The following C4orf50 variants were observed in gnomAD, a reference collection of about 807,000 sequenced individuals.
The protein encoded by C4orf50 is chromosome 4 open reading frame 50.
Under a neutral mutation model 77.2 loss-of-function variants are expected in C4orf50, and 80 were observed. That is an observed-to-expected ratio of 1.04 (90% CI 0.87 to 1.25). The LOEUF is 1.25. C4orf50 is among the 50% of genes most tolerant of loss of function. The probability of loss-of-function intolerance (pLI) is 0.00; values close to 1 mark genes in which losing one functional copy is unlikely to be tolerated. For missense variants in C4orf50, 1,257 were observed against 1,152.9 expected (o/e 1.09, Z -1.31); for synonymous variants, 532 against 465.3 (o/e 1.14, Z -1.84).
intron 31 of C4orf50, among the ~76,000 whole-genome samples, chr4:5,968,274 C>G (rs1409129235): frequency 6.6e-6 from 1 of 152,220 alleles, no homozygotes; most frequent in Non-Finnish European, 1.5e-5. Context: ...CCTGACTCCA[C>G]CTGGCAGAGT....
rs527939516 is a variant in C4orf50 at position 5,920,475 on chromosome 4, CTTTTTTT to C, written c.*2475-22294_*2475-22288del. On this transcript the variant is annotated intron_variant, in intron 7 of 7. Transcript: ENST00000324058. ...GGATGAAGGGAGAGAATAAACATTG[CTTTTTTT>C]TTTTTTTTTTTTGAGATGGAGTCTC... Among the ~76,000 whole-genome samples, 8 of 128,970 alleles carry C rather than the reference CTTTTTTT, an allele frequency of 6.2e-5. No individual in the cohort carries two copies. In the East Asian group the frequency reaches 1.5e-3, roughly 24 times the overall value. The allele number at this position is 128,970 out of a possible 152,430, so 84.6% of individuals were successfully genotyped here.
chr4:5,988,591 A>G (rs1203132364), exon 28 of C4orf50: 1 of 1,536,324 alleles, frequency 6.5e-7, no homozygotes, highest in South Asian at 1.2e-5. Flanking sequence ...TTCCTCCTCC[A>G]AGGGTGGCCC....
chr4:5,998,364 G>A (rs1002391444), intron 25 of C4orf50, among the ~76,000 whole-genome samples: 1 of 151,974 alleles, frequency 6.6e-6, no homozygotes, highest in African/African-American at 2.4e-5. Context: ...CGACATTATT[G>A]ACACTGCTTT....
chr4:5,985,758 A>G lies in C4orf50; in HGVS notation c.3699+2589T>C, dbSNP rs149341932. 9.5e-3 allele frequency among the ~76,000 whole-genome samples: 1,447 copies of G among 152,288 alleles called. 21 individuals carry two copies. The highest frequency in any genetic ancestry group is 0.033 in the African/African-American group (1,380 of 41,562). On this transcript the variant is annotated intron_variant, in intron 28 of 33. Transcript: ENST00000531445. The stretch of plus-strand genomic sequence containing the variant: ...TGAGGCCAGTGGATCACCTGAGGTC[A>G]GGAGTTTGAGACCAGCCTGGCCAAC...
intron 29 of C4orf50, among the ~76,000 whole-genome samples, chr4:5,977,925 T>G (rs1454948851): frequency 6.6e-6 from 1 of 152,292 alleles, no homozygotes. Flanking sequence ...ATATATCTAA[T>G]AAAGGACTTC....
chr4:6,006,676 A>G (rs755376110), intron 25 of C4orf50, among the ~76,000 whole-genome samples: 12 of 152,220 alleles, frequency 7.9e-5, no homozygotes. Flanking sequence ...GAATCAACAC[A>G]TGTCCAGCCT....
At chr4:5,961,637 C>T (rs1024192128) in intron 33 of C4orf50, among the ~76,000 whole-genome samples, 4 of 152,216 alleles carry the variant, frequency 2.6e-5, no homozygotes, top group Admixed American at 2.0e-4. Flanking sequence ...CCAGGCCATA[C>T]GGCTCTCAAG....
intron 28 of C4orf50, among the ~76,000 whole-genome samples, chr4:5,981,110 ATACT>A (rs1308494391): frequency 6.6e-6 from 1 of 152,214 alleles, no homozygotes; most frequent in Non-Finnish European, 1.5e-5. Flanking sequence ...ATAAACATAC[ATACT>A]AACACAGATT....
intron 7 of C4orf50, among the ~76,000 whole-genome samples, chr4:5,910,816 G>GC (rs1291520475): frequency 6.6e-6 from 1 of 151,830 alleles, no homozygotes; most frequent in Non-Finnish European, 1.5e-5. Flanking sequence ...GAGTGGGGGG[G>GC]ATACCTCTCT....
Position 5,992,780 on chromosome 4 carries a change from A to G in C4orf50, c.1221+23T>C, listed in dbSNP as rs1319810357. ...GGGGAACCAGTGGCACTGCACACAC[A>G]CGCAGAAAGCCTCTGGCCTCACCTG... On this transcript the variant is annotated intron_variant, in intron 27 of 33. Coordinates refer to ENST00000531445, the Ensembl canonical transcript of C4orf50. The surrounding 1 kb of genome is among the most constrained non-coding windows in gnomAD (Gnocchi z 5.0). 2.5e-6 allele frequency: 1 copy of G among 399,014 alleles called. No individual in the cohort carries two copies. Among genetic ancestry groups the G allele is most frequent in the Non-Finnish European group, 4.4e-6 (1 of 226,136 alleles). 24.7% of individuals were successfully genotyped at this position (399,014 alleles called of 1,614,324 possible).
At chr4:5,986,359 C>G (rs1192476501) in intron 28 of C4orf50, among the ~76,000 whole-genome samples, 1 of 151,874 alleles carries the variant, frequency 6.6e-6, no homozygotes, top group Admixed American at 6.6e-5. Context: ...CTGAAAAACT[C>G]CAGAGATGCT....
chr4:5,989,141 CCTCTCT>C (rs143859826), exon 28 of C4orf50: 27 of 1,408,402 alleles, frequency 1.9e-5, no homozygotes, highest in African/African-American at 5.7e-5. Flanking sequence ...ATTTTTGTCA[CCTCTCT>C]CTCTCTCTCT....
chr4:5,990,160 T>C, exon 28 of C4orf50: 1 of 1,252,296 alleles, frequency 8.0e-7, no homozygotes, highest in Non-Finnish European at 1.0e-6. Context: ...GGCCTCCCCC[T>C]GTAGAAGAGG....
chr4:5,924,317 T>A (rs1166210570), intron 7 of C4orf50, among the ~76,000 whole-genome samples: 1 of 152,122 alleles, frequency 6.6e-6, no homozygotes, highest in Non-Finnish European at 1.5e-5. Flanking sequence ...ACCAAAATAG[T>A]CGATTTCTGA....
At chr4:5,985,188 A>G (rs1720794428) in intron 28 of C4orf50, among the ~76,000 whole-genome samples, 1 of 152,156 alleles carries the variant, frequency 6.6e-6, no homozygotes, top group African/African-American at 2.4e-5. Flanking sequence ...ATAAAAAGAA[A>G]TATGAGAAAA....
At chr4:5,998,007 G>T (rs1721671857) in intron 25 of C4orf50, among the ~76,000 whole-genome samples, 2 of 152,178 alleles carry the variant, frequency 1.3e-5, no homozygotes, top group African/African-American at 4.8e-5. Context: ...AAACATGACT[G>T]TACATGACTC....
chr4:5,936,212 A>AAG (rs1718005837), intron 7 of C4orf50, among the ~76,000 whole-genome samples: 2 of 151,886 alleles, frequency 1.3e-5, no homozygotes, highest in South Asian at 4.2e-4. Flanking sequence ...CTGCAGGAAA[A>AAG]AAAAAAAATG....
In C4orf50 at chr4:6,018,226, C is replaced by T; in HGVS notation, c.206G>A (p.Arg69Lys). The change falls in exon 23 of 34, where the codon AGG becomes AAG. Residue 69 changes from arginine (R) to lysine (K), a missense_variant. Coordinates refer to ENST00000531445, the Ensembl canonical transcript of C4orf50. This position sits in a 1 kb window ranked among gnomAD's most constrained non-coding sequence, Gnocchi z 5.1. ...CTGCTCGGAGGACTCCAGCTGCCTC[C>T]TGAGCGCACCCATATCCATGTCTGG... The T allele has an allele frequency of 1.3e-5, 5 of 399,066 alleles. No individual in the cohort carries two copies. The highest frequency in any genetic ancestry group is 2.1e-5 in the African/African-American group (1 of 48,738). The allele number at this position is 399,066 out of a possible 1,614,324, so 24.7% of individuals were successfully genotyped here. A position where few individuals can be genotyped will look rare whatever the true frequency, so the allele number is the denominator to read the frequency against.
intron 7 of C4orf50, among the ~76,000 whole-genome samples, chr4:5,910,669 C>T (rs1451643808): frequency 2.6e-5 from 4 of 152,172 alleles, no homozygotes; most frequent in Admixed American, 1.3e-4. Context: ...CCAATAACCT[C>T]TCTACCTCAC....
Sources: gnomAD v4.1 joint callset for allele counts (sites outside exome capture counted in the v4.1 genomes callset) on GRCh38, gnomAD v4.1.1 for gene constraint, Gnocchi (gnomAD v3.1) non-coding constraint, MANE v1.5 for transcripts, NCBI Gene and HGNC (gene_info 2026-07-23, HGNC 2026-07-21) for gene names.